Variants in MED27 observed in about 807,000 individuals in gnomAD.
MED27 encodes mediator of RNA polymerase II transcription subunit 27.
In MED27, 30 loss-of-function variants were observed where a neutral mutation model predicts 38.2. That is an observed-to-expected ratio of 0.79 (90% CI 0.59 to 1.07). The LOEUF is 1.07. MED27 is among the 50% of genes least tolerant of loss of function. The pLI, the probability that MED27 is intolerant of heterozygous loss-of-function variation, is 0.00. For missense variants in MED27, 289 were observed against 397.5 expected, an observed-to-expected ratio of 0.73 and a Z score of 2.32; for synonymous variants, 122 against 153.5, an observed-to-expected ratio of 0.79 and a Z score of 1.52.
At chr9:132,030,959 T>C (rs897109971) in intron 2 of MED27, among the ~76,000 whole-genome samples, 25 of 152,186 alleles carry the variant, frequency 1.6e-4, no homozygotes, top group African/African-American at 5.8e-4. Flanking sequence ...GAGTGAAGTA[T>C]ACTAAACACC....
At chr9:131,932,911 A>G (rs893123082) in intron 4 of MED27, among the ~76,000 whole-genome samples, 1 of 152,184 alleles carries the variant, frequency 6.6e-6, no homozygotes, top group Non-Finnish European at 1.5e-5. Context: ...TAAAAAGATC[A>G]TTCATCATGA....
intron 2 of MED27, among the ~76,000 whole-genome samples, chr9:132,038,487 C>T (rs1163554708): frequency 2.7e-5 from 4 of 150,376 alleles, no homozygotes; most frequent in South Asian, 2.1e-4. Context: ...CCACCGCGCC[C>T]GGCCGCCAGG....
At chr9:132,076,179 C>T (rs1834042800) in intron 2 of MED27, among the ~76,000 whole-genome samples, 1 of 152,142 alleles carries the variant, frequency 6.6e-6, no homozygotes, top group African/African-American at 2.4e-5. Context: ...CTGCCACCCA[C>T]CCAAGCACCC....
chr9:132,042,885 A>G (rs1246588589), intron 2 of MED27, among the ~76,000 whole-genome samples: 2 of 152,206 alleles, frequency 1.3e-5, no homozygotes, highest in East Asian at 1.9e-4. Flanking sequence ...ATCACGTACC[A>G]ATTAATCATG....
intron 4 of MED27, among the ~76,000 whole-genome samples, chr9:131,897,698 AT>A (rs1299361958): frequency 1.3e-5 from 2 of 152,198 alleles, no homozygotes; most frequent in Non-Finnish European, 2.9e-5. Context: ...TGAAGCTGGG[AT>A]GGGTTCATGG....
chr9:131,988,725 C>G (rs1019321820), intron 3 of MED27, among the ~76,000 whole-genome samples: 3 of 152,148 alleles, frequency 2.0e-5, no homozygotes, highest in Admixed American at 1.3e-4. Context: ...CAACCTTCCC[C>G]CTTTGGCCTC....
At chr9:131,886,524 A>C in intron 5 of MED27, among the ~76,000 whole-genome samples, 1 of 152,186 alleles carries the variant, frequency 6.6e-6, no homozygotes, top group East Asian at 1.9e-4. Flanking sequence ...TGCTCTTCAG[A>C]AAGGTGGTGT....
intron 3 of MED27, among the ~76,000 whole-genome samples, chr9:131,976,553 C>T (rs1164948231): frequency 1.3e-5 from 2 of 152,162 alleles, no homozygotes; most frequent in Admixed American, 1.3e-4. Context: ...AATGTTATTA[C>T]TAATCCAATC....
chr9:131,955,234 G>A (rs1413809811), intron 3 of MED27, among the ~76,000 whole-genome samples: 1 of 152,072 alleles, frequency 6.6e-6, no homozygotes, highest in Admixed American at 6.6e-5. Flanking sequence ...TGGGCTGAAT[G>A]ATAAAAATAT....
At chr9:131,938,347 C>T (rs1830720063) in intron 4 of MED27, among the ~76,000 whole-genome samples, 1 of 152,214 alleles carries the variant, frequency 6.6e-6, no homozygotes, top group Non-Finnish European at 1.5e-5. Flanking sequence ...TCGAAACCAT[C>T]ATTCTTATTC....
chr9:131,930,088 C>T (rs902956481), intron 4 of MED27, among the ~76,000 whole-genome samples: 6 of 152,176 alleles, frequency 3.9e-5, no homozygotes, highest in Admixed American at 2.0e-4. Context: ...AGGACCAAGT[C>T]TCTGCCTGGT....
rs1304065025 is a variant in MED27 at position 131,913,055 on chromosome 9, A to G, written c.574-19063T>C. Among the ~76,000 whole-genome samples, 1 of 152,230 alleles carries G rather than the reference A, an allele frequency of 6.6e-6. No individual in the cohort carries two copies. On this transcript the variant is annotated intron_variant, in intron 4 of 7. Coordinates refer to ENST00000292035, the MANE Select transcript of MED27 (RefSeq NM_004269.4). The surrounding 1 kb of genome is among the most constrained non-coding windows in gnomAD (Gnocchi z 4.5). ...CACTAAATTTATCAACAAAACAATC[A>G]TTTGATAACGCTTGTGTGAAGGAAG...
intron 2 of MED27, among the ~76,000 whole-genome samples, chr9:132,037,891 A>G (rs1168624288): frequency 6.6e-6 from 1 of 152,118 alleles, no homozygotes; most frequent in Non-Finnish European, 1.5e-5. Context: ...CTAGCAATGC[A>G]GGATATGTCA....
At chr9:131,901,844 C>G (rs1438225925) in intron 4 of MED27, among the ~76,000 whole-genome samples, 1 of 152,192 alleles carries the variant, frequency 6.6e-6, no homozygotes, top group African/African-American at 2.4e-5. Context: ...CTCTGTCTGC[C>G]TAACAACCCG....
intron 2 of MED27, among the ~76,000 whole-genome samples, chr9:132,073,928 T>C (rs1017611352): frequency 7.9e-5 from 12 of 152,086 alleles, no homozygotes; most frequent in African/African-American, 2.7e-4. Context: ...CCTTCTGCCA[T>C]AAACAAATGA....
At position 131,908,917 on chromosome 9, in the gene MED27, G is replaced by A. The variant is rs897534653; in HGVS notation, c.574-14925C>T. On this transcript the variant is annotated intron_variant, in intron 4 of 7. Coordinates refer to ENST00000292035, the MANE Select transcript of MED27 (RefSeq NM_004269.4). ...GAACTTTAATAAAAGAATGCCTAAC[G>A]TCCTGGGAATGCAGCCCAGAAGGTC... is the stretch of plus-strand genomic sequence containing the variant. Among the ~76,000 whole-genome samples, 21 of 151,102 alleles carry A rather than the reference G, an allele frequency of 1.4e-4. No individual in the cohort carries two copies. The East Asian group carries it at 2.5e-3, about 18-fold the overall frequency.
chr9:132,062,439 G>C (rs1251935547), intron 2 of MED27, among the ~76,000 whole-genome samples: 2 of 152,166 alleles, frequency 1.3e-5, no homozygotes, highest in Non-Finnish European at 2.9e-5. Context: ...AAGTGAGGTG[G>C]GCCCATCTGA....
chr9:132,038,017 G>C (rs1388456975), intron 2 of MED27, among the ~76,000 whole-genome samples: 2 of 151,826 alleles, frequency 1.3e-5, no homozygotes, highest in Non-Finnish European at 2.9e-5. Context: ...ATCAACAGAA[G>C]TTACAATTGG....
At chr9:131,903,780 T>C (rs1184151838) in intron 4 of MED27, among the ~76,000 whole-genome samples, 2 of 152,112 alleles carry the variant, frequency 1.3e-5, no homozygotes, top group Non-Finnish European at 2.9e-5. Context: ...CAGGTTGGAG[T>C]GCAGTAGCAT....
Sources: allele counts gnomAD v4.1 joint callset (sites outside exome capture counted in the v4.1 genomes callset), GRCh38; gene constraint gnomAD v4.1.1; non-coding constraint Gnocchi (gnomAD v3.1); transcripts MANE v1.5; gene names NCBI Gene and HGNC (gene_info 2026-07-23, HGNC 2026-07-21).